The following C12orf75 variants were observed in gnomAD, a reference collection of about 807,000 sequenced individuals.
C12orf75 encodes chromosome 12 open reading frame 75.
In C12orf75, 4 loss-of-function variants were observed where a neutral mutation model predicts 11.4. The observed-to-expected ratio is 0.35, with a 90% CI of 0.17 to 0.80. The LOEUF (loss-of-function observed/expected upper bound fraction) is 0.80, where lower values mean the gene tolerates loss of function less well. C12orf75 is among the 30% of genes least tolerant of loss of function. The pLI, the probability that C12orf75 is intolerant of heterozygous loss-of-function variation, is 0.52. For missense variants in C12orf75, 89 were observed against 80.4 expected (o/e 1.11, Z -0.41); for synonymous variants, 30 against 30.0 (o/e 1.00, Z 0.00).
intron 1 of C12orf75, among the ~76,000 whole-genome samples, chr12:105,334,731 T>TA (rs1359315191): frequency 6.6e-6 from 1 of 152,200 alleles, no homozygotes; most frequent in African/African-American, 2.4e-5. Context: ...GTCAGATTCT[T>TA]TACTCACTTG....
chr12:105,349,292 C>A (rs1413908930), intron 2 of C12orf75, among the ~76,000 whole-genome samples: 1 of 152,192 alleles, frequency 6.6e-6, no homozygotes, highest in African/African-American at 2.4e-5. Flanking sequence ...GTGGGATCAA[C>A]TCTCCCACCC....
chr12:105,337,192 C>G (rs901749308), intron 1 of C12orf75, among the ~76,000 whole-genome samples: 1 of 152,058 alleles, frequency 6.6e-6, no homozygotes, highest in Non-Finnish European at 1.5e-5. Flanking sequence ...GGCGTGGTGG[C>G]GCACACCTGT....
chr12:105,370,326 C>G (rs1871592697), intron 5 of C12orf75, among the ~76,000 whole-genome samples: 1 of 152,150 alleles, frequency 6.6e-6, no homozygotes, highest in Non-Finnish European at 1.5e-5. Flanking sequence ...TGTGACCGAA[C>G]AGTCTCTATT....
chr12:105,348,465 T>A, intron 1 of C12orf75, 137 bp from the exon 2 acceptor site: 2 of 434,048 alleles, frequency 4.6e-6, no homozygotes, highest in Admixed American at 4.4e-5. Context: ...TTTTTTGCCC[T>A]CCTTTCTCTG....
chr12:105,339,355 T>A (rs1485573149), intron 1 of C12orf75, among the ~76,000 whole-genome samples: 1 of 151,870 alleles, frequency 6.6e-6, no homozygotes, highest in Non-Finnish European at 1.5e-5. Context: ...TTTCTGATAA[T>A]TTATGCTGAA....
At chr12:105,344,165 G>A (rs1041614246) in intron 1 of C12orf75, among the ~76,000 whole-genome samples, 1 of 152,212 alleles carries the variant, frequency 6.6e-6, no homozygotes, top group African/African-American at 2.4e-5. Flanking sequence ...TGCACAACAT[G>A]TGGCCATTTG....
intron 1 of C12orf75, among the ~76,000 whole-genome samples, chr12:105,344,972 C>G (rs1892619778): frequency 6.7e-6 from 1 of 149,930 alleles, no homozygotes; most frequent in African/African-American, 2.5e-5. Flanking sequence ...AAGCCCCCCC[C>G]CAACCAATTA....
intron 2 of C12orf75, among the ~76,000 whole-genome samples, chr12:105,357,030 A>T (rs1892791621): frequency 6.6e-6 from 1 of 152,246 alleles, no homozygotes; most frequent in South Asian, 2.1e-4. Context: ...GCAGCCACAG[A>T]GACATGGTCG....
chr12:105,366,126 A>G, intron 3 of C12orf75: 1 of 420,920 alleles, frequency 2.4e-6, no homozygotes, highest in Non-Finnish European at 4.3e-6. Flanking sequence ...ACTTCCCTTC[A>G]TTCTCTCAGC....
At chr12:105,346,742 G>C (rs547381164) in intron 1 of C12orf75, among the ~76,000 whole-genome samples, 3 of 152,320 alleles carry the variant, frequency 2.0e-5, no homozygotes, top group Admixed American at 2.0e-4. Flanking sequence ...CAGTATTACA[G>C]ATGCAAAATG....
intron 2 of C12orf75, among the ~76,000 whole-genome samples, 181 bp from the exon 3 acceptor site, chr12:105,365,626 G>T (rs1871449265): frequency 6.6e-6 from 1 of 152,214 alleles, no homozygotes; most frequent in Admixed American, 6.5e-5. Flanking sequence ...AATGATTGAG[G>T]TGAAGGCAGA....
intron 2 of C12orf75, among the ~76,000 whole-genome samples, chr12:105,365,489 G>A (rs1390184923): frequency 6.6e-6 from 1 of 152,166 alleles, no homozygotes; most frequent in African/African-American, 2.4e-5. Flanking sequence ...CACACAAGAC[G>A]ATAACTCAGG....
At chr12:105,362,453 G>A (rs1190093137) in intron 2 of C12orf75, among the ~76,000 whole-genome samples, 1 of 147,870 alleles carries the variant, frequency 6.8e-6, no homozygotes, top group Admixed American at 6.9e-5. Flanking sequence ...GGATCATGAG[G>A]TCAGGAGATT....
intron 1 of C12orf75, among the ~76,000 whole-genome samples, chr12:105,337,450 G>A (rs1381621350): frequency 6.6e-6 from 1 of 152,106 alleles, no homozygotes; most frequent in Non-Finnish European, 1.5e-5. Context: ...CGGAGGCTAG[G>A]GTTTCTTAAG....
chr12:105,331,124 G>C (rs1460055971), intron 1 of C12orf75, among the ~76,000 whole-genome samples, 187 bp downstream of exon 1: 1 of 152,052 alleles, frequency 6.6e-6, no homozygotes, highest in African/African-American at 2.4e-5. Context: ...GGGCGGTTGC[G>C]CCTGGAGCAG....
At chr12:105,361,543 G>GCTTTTTAGA (rs1456193468) in intron 2 of C12orf75, among the ~76,000 whole-genome samples, 2 of 152,132 alleles carry the variant, frequency 1.3e-5, no homozygotes, top group African/African-American at 2.4e-5. Context: ...CAGAAGGTGT[G>GCTTTTTAGA]CTTTTTAGAC....
chr12:105,333,909 T>A (rs1418690930), intron 1 of C12orf75, among the ~76,000 whole-genome samples: 2 of 152,218 alleles, frequency 1.3e-5, no homozygotes, highest in Non-Finnish European at 2.9e-5. Flanking sequence ...AGCCCTGTTT[T>A]ACTTTTTGAG....
chr12:105,340,466 A>G (rs1892557448), intron 1 of C12orf75, among the ~76,000 whole-genome samples: 1 of 151,194 alleles, frequency 6.6e-6, no homozygotes, highest in African/African-American at 2.4e-5. Flanking sequence ...TCAGTGCAGT[A>G]TCTTGTAGCT....
chr12:105,366,833 G>A, intron 4 of C12orf75, 137 bp downstream of exon 4: 1 of 519,228 alleles, frequency 1.9e-6, no homozygotes, highest in Non-Finnish European at 3.4e-6. Flanking sequence ...AGTACTGTCT[G>A]TTCATTGCAG....
Sources: allele counts gnomAD v4.1 joint callset (sites outside exome capture counted in the v4.1 genomes callset), GRCh38; gene constraint gnomAD v4.1.1; transcripts MANE v1.5; gene names NCBI Gene and HGNC (gene_info 2026-07-23, HGNC 2026-07-21).